Variants in PCDHA7 observed in about 807,000 individuals in gnomAD.
PCDHA7 encodes the protein protocadherin alpha 7.
In PCDHA7, 37 loss-of-function variants were observed where a neutral mutation model predicts 57.2. The observed-to-expected ratio is 0.65, with a 90% CI of 0.50 to 0.85. PCDHA7 has a LOEUF of 0.85. PCDHA7 is among the 40% of genes least tolerant of loss of function. PCDHA7 has a pLI of 0.00. For synonymous variants in PCDHA7, 553 were observed against 558.8 expected, an observed-to-expected ratio of 0.99 and a Z score of 0.15; for missense variants, 1,188 against 1,241.8, an observed-to-expected ratio of 0.96 and a Z score of 0.65.
At chr5:140,848,694 G>A (rs2150417748) in intron 1 of PCDHA7, 1 of 1,592,460 alleles carries the variant, frequency 6.3e-7, no homozygotes, top group Admixed American at 1.7e-5. Context: ...GTTCCAGTTG[G>A]ATTCCAAAGG....
In PCDHA7 at chr5:140,968,377, T is replaced by C. The variant is rs1461765123; in HGVS notation, c.2356-10572T>C. 2.5e-6 allele frequency: 4 copies of C among 1,613,962 alleles called. No individual in the cohort carries two copies. In the African/African-American group the frequency reaches 4.0e-5, roughly 16 times the overall value. ...GCAGCCTTTATGCTGTCAACTCCTT[T>C]GACTATGAGAAGTTTCGGGAGTTCT... On this transcript the variant is annotated intron_variant, in intron 1 of 3. Transcript: ENST00000525929.
intron 1 of PCDHA7, chr5:140,875,919 C>G: frequency 2.5e-6 from 4 of 1,614,168 alleles, no homozygotes; most frequent in Non-Finnish European, 3.4e-6. Flanking sequence ...CGCCTCTGGA[C>G]TCTCATTTTC....
intron 1 of PCDHA7, chr5:140,927,044 C>T (rs1337649079): frequency 6.2e-7 from 1 of 1,612,210 alleles, no homozygotes; most frequent in Non-Finnish European, 8.5e-7. Flanking sequence ...GCCGCTATGT[C>T]CTCGCGGAAC....
intron 1 of PCDHA7, among the ~76,000 whole-genome samples, chr5:140,917,362 A>G (rs552053034): frequency 2.2e-4 from 32 of 142,394 alleles, no homozygotes; most frequent in Admixed American, 1.7e-3. Flanking sequence ...CTGTTCCACT[A>G]TCTTGCTCCA....
intron 1 of PCDHA7, chr5:140,868,770 T>C (rs936187064): frequency 1.9e-5 from 5 of 257,030 alleles, no homozygotes; most frequent in Non-Finnish European, 3.7e-5. Flanking sequence ...TTAGTTTCAA[T>C]ATGACTTATA....
chr5:140,961,549 T>C (rs782360372), intron 1 of PCDHA7, among the ~76,000 whole-genome samples: 3 of 152,220 alleles, frequency 2.0e-5, no homozygotes, highest in Non-Finnish European at 4.4e-5. Flanking sequence ...CTGCAGCATT[T>C]CTTTTTTTAA....
chr5:140,908,256 A>G (rs192899359), intron 1 of PCDHA7, among the ~76,000 whole-genome samples: 9 of 152,248 alleles, frequency 5.9e-5, no homozygotes, highest in Non-Finnish European at 1.0e-4. Flanking sequence ...AACTGATCAT[A>G]GGGAACTCCC....
rs2150258931 is a variant in PCDHA7, at chr5:140,836,372, C to T, written c.1989C>T (p.Ala663=). 3.1e-6 allele frequency: 5 copies of T among 1,613,738 alleles called. No individual in the cohort carries two copies. Among genetic ancestry groups the T allele is most frequent in the East Asian group, 4.5e-5 (2 of 44,856 alleles). The part of the protein sequence containing the change: ...DHGEPSLTAT[A]TVLVSLVESG... ...GGGAGCCCTCGCTGACAGCCACAGC[C>T]ACCGTGCTGGTGTCGCTGGTGGAAA... The change falls in exon 1 of 4, where the codon GCC becomes GCT. Residue 663 remains alanine, a synonymous_variant. Transcript: ENST00000525929.
chr5:140,849,581 C>A, intron 1 of PCDHA7: 7 of 1,598,698 alleles, frequency 4.4e-6, no homozygotes, highest in African/African-American at 2.7e-5. Flanking sequence ...TAAAAGAGGA[C>A]GCACAACTGG....
Position 140,835,465 on chromosome 5 carries a change from A to G in PCDHA7, c.1082A>G (p.Glu361Gly). The change falls in exon 1 of 4, where the codon GAG becomes GGG. Residue 361 changes from glutamate (E) to glycine (G), a missense_variant. By Grantham distance (98) the Glu-to-Gly change is moderately conservative. Around this residue, in one of 3 missense-constraint regions of PCDHA7, gnomAD observed 892 missense variants for 788.5 expected, o/e 1.13. Coordinates refer to ENST00000525929, the MANE Select transcript of PCDHA7 (RefSeq NM_018910.3). The stretch of plus-strand genomic sequence containing the variant: ...ACTTCCCTGTCTCTCCCTATTCCAG[A>G]GGACGCCCAACCAGGTACCGTCATC... ...TLTSLSLPIPEDAQPGTVITL... is the reference protein window; with the variant it reads ...TLTSLSLPIPGDAQPGTVITL... The G allele has an allele frequency of 6.2e-7, 1 of 1,613,920 alleles. No homozygotes were observed. Among genetic ancestry groups the G allele is most frequent in the Non-Finnish European group, 8.5e-7 (1 of 1,179,872 alleles).
chr5:140,835,887 C>A lies in PCDHA7; in HGVS notation c.1504C>A (p.Arg502Ser), dbSNP rs1554135389. 1 of 1,611,780 alleles carries A rather than the reference C, an allele frequency of 6.2e-7. No homozygotes were observed. The highest frequency in any genetic ancestry group is 1.1e-5 in the South Asian group (1 of 91,004). ...GCTGGTGGAGCTGCGGGTGGGCGAG[C>A]GCGCGCTGTCGAGCTACGTGTCAGT... The part of the protein sequence containing the change: ...YSLVELRVGE[R>S]ALSSYVSVHA... Residue 502 changes from arginine (R) to serine (S), a missense_variant, in exon 1 of 4, where the codon CGC (arginine) becomes AGC (serine). By Grantham distance (110) the Arg-to-Ser change is moderately radical. Transcript: ENST00000525929.
chr5:140,928,296 T>C (rs2085128137), intron 1 of PCDHA7: 6 of 1,614,054 alleles, frequency 3.7e-6, no homozygotes, highest in African/African-American at 1.3e-5. Flanking sequence ...GCCGAGTGTT[T>C]GCCCAGGACC....
In PCDHA7 at chr5:140,985,839, A is replaced by G. The variant is rs570244448; in HGVS notation, c.2503+3276A>G. On this transcript the variant is annotated intron_variant, in intron 3 of 3. Coordinates refer to ENST00000525929, the MANE Select transcript of PCDHA7 (RefSeq NM_018910.3). ...ACAACAAGCTCTGCCTCCCGGGTTC[A>G]TGCCACTCTCCTGCCTCAGCCTCCT... Among the ~76,000 whole-genome samples the G allele has an allele frequency of 6.2e-5, 9 of 144,378 alleles. No homozygotes were observed. The East Asian group carries it at 1.9e-3, about 30-fold the overall frequency. 94.7% of individuals were successfully genotyped at this position (144,378 alleles called of 152,430 possible). A position where few individuals can be genotyped will look rare whatever the true frequency, so the allele number is the denominator to read the frequency against.
chr5:140,856,693 T>C (rs374352563), intron 1 of PCDHA7: 9 of 1,596,766 alleles, frequency 5.6e-6, no homozygotes, highest in African/African-American at 4.0e-5. Flanking sequence ...CAGCAACTGA[T>C]GGAGGCAAAC....
intron 1 of PCDHA7, chr5:140,860,410 A>T (rs2046380485): frequency 6.6e-6 from 1 of 152,082 alleles, no homozygotes; most frequent in Non-Finnish European, 1.5e-5. Context: ...AGCAATAGTA[A>T]CACCATTATC....
intron 1 of PCDHA7, chr5:140,848,611 C>A (rs2150414621): frequency 6.3e-7 from 1 of 1,593,572 alleles, no homozygotes; most frequent in African/African-American, 1.3e-5. Flanking sequence ...CCGGAGGAAG[C>A]CGAACACGGC....
chr5:140,981,220 C>T (rs1160783614), intron 2 of PCDHA7, among the ~76,000 whole-genome samples: 3 of 152,164 alleles, frequency 2.0e-5, no homozygotes, highest in African/African-American at 4.8e-5. Context: ...CCCCTTTAGT[C>T]AGTAGTCTAA....
At chr5:140,869,837 C>G (rs374182289) in intron 1 of PCDHA7, 1 of 1,611,484 alleles carries the variant, frequency 6.2e-7, no homozygotes, top group African/African-American at 1.3e-5. Context: ...TTTGATAAAT[C>G]AGAATATAAG....
chr5:141,007,395 C>CAAAAAAAAAAAAAAAAAAAAAAAAAAA (rs35800918), intron 3 of PCDHA7, among the ~76,000 whole-genome samples: 1 of 94,866 alleles, frequency 1.1e-5, no homozygotes, highest in Non-Finnish European at 2.1e-5. Context: ...TACTAAAATA[C>CAAAAAAAAAAAAAAAAAAAAAAAAAAA]AAAAAAAAAA....
Sources: allele counts gnomAD v4.1 joint callset (sites outside exome capture counted in the v4.1 genomes callset), GRCh38; gene constraint gnomAD v4.1.1; regional missense constraint gnomAD v4.1.1; transcripts MANE v1.5; gene names NCBI Gene and HGNC (gene_info 2026-07-23, HGNC 2026-07-21).